Variants in SLC2A12 observed in about 807,000 individuals in gnomAD.
The protein encoded by SLC2A12 is solute carrier family 2, facilitated glucose transporter member 12.
In SLC2A12, 23 loss-of-function variants were observed where a neutral mutation model predicts 41.8. The observed-to-expected ratio is 0.55, with a 90% confidence interval of 0.40 to 0.78. The LOEUF is 0.78. Ranked by LOEUF, SLC2A12 falls within the 30% of genes least tolerant of loss-of-function variation. SLC2A12 has a pLI of 0.00. For missense variants in SLC2A12, 654 were observed against 745.6 expected, an observed-to-expected ratio of 0.88 and a Z score of 1.43; for synonymous variants, 295 against 285.9, an observed-to-expected ratio of 1.03 and a Z score of -0.32.
intron 1 of SLC2A12, among the ~76,000 whole-genome samples, chr6:134,034,820 AC>A (rs1777270136): frequency 6.6e-6 from 1 of 152,152 alleles, no homozygotes. Context: ...TCCAAAAAAT[AC>A]CCAGCTTTCA....
intron 2 of SLC2A12, among the ~76,000 whole-genome samples, chr6:134,018,231 T>C (rs1445878104): frequency 6.6e-6 from 1 of 152,160 alleles, no homozygotes; most frequent in African/African-American, 2.4e-5. Flanking sequence ...TTAATAACAC[T>C]AATGACTAAG....
In SLC2A12 at chr6:134,008,501, AC is replaced by A. The variant is rs1298354182; in HGVS notation, c.1445-1568del. Among the ~76,000 whole-genome samples the A allele has an allele frequency of 5.9e-5, 9 of 152,166 alleles. No homozygotes were observed. In the South Asian group the frequency reaches 1.5e-3, roughly 25 times the overall value. On this transcript the variant is annotated intron_variant, in intron 2 of 4. Coordinates refer to ENST00000275230, the MANE Select transcript of SLC2A12 (RefSeq NM_145176.3). The stretch of plus-strand genomic sequence containing the variant: ...GAAACCGCATGTCTGCCACACTCTC[AC>A]CTCACCTGTCTTCCCCTGCCCCTCT...
At chr6:134,052,135 G>A (rs1773692221) in intron 1 of SLC2A12, among the ~76,000 whole-genome samples, 1 of 151,998 alleles carries the variant, frequency 6.6e-6, no homozygotes, top group Non-Finnish European at 1.5e-5. Flanking sequence ...TGGCACATAA[G>A]GTTCCACCAA....
chr6:134,038,559 C>T (rs1777337076), intron 1 of SLC2A12, among the ~76,000 whole-genome samples: 1 of 151,234 alleles, frequency 6.6e-6, no homozygotes, highest in African/African-American at 2.4e-5. Flanking sequence ...AGGGCTTCAC[C>T]ATGTTGGCAA....
intron 2 of SLC2A12, among the ~76,000 whole-genome samples, chr6:134,019,919 G>A (rs2114458173): frequency 6.6e-6 from 1 of 152,054 alleles, no homozygotes; most frequent in African/African-American, 2.4e-5. Context: ...CAGCTACTCA[G>A]GAGGCTGAGG....
intron 3 of SLC2A12, among the ~76,000 whole-genome samples, chr6:134,005,962 G>A (rs549697430): frequency 3.3e-5 from 5 of 151,998 alleles, no homozygotes; most frequent in African/African-American, 1.2e-4. Flanking sequence ...CTTGCGGTCA[G>A]GAGTTTAAGA....
chr6:134,007,041 G>T, intron 2 of SLC2A12, 107 bp from the exon 3 acceptor site: 1 of 1,490,444 alleles, frequency 6.7e-7, no homozygotes, highest in African/African-American at 1.6e-5. Flanking sequence ...GCCGGGATTT[G>T]TGGTTGGGAA....
At chr6:134,037,144 A>ATTT (rs533155835) in intron 1 of SLC2A12, among the ~76,000 whole-genome samples, 24 of 83,306 alleles carry the variant, frequency 2.9e-4, no homozygotes, top group Admixed American at 4.3e-4. Flanking sequence ...ACTCGATTCA[A>ATTT]TTTTTTTTTT....
chr6:134,034,384 TTTAGGACTGCTG>T (rs2114490204), intron 1 of SLC2A12, among the ~76,000 whole-genome samples: 1 of 152,338 alleles, frequency 6.6e-6, no homozygotes, highest in Admixed American at 6.5e-5. Context: ...ACTACTCATA[TTTAGGACTGCTG>T]TTTGATCCTC....
chr6:134,018,790 C>T (rs902574574), intron 2 of SLC2A12, among the ~76,000 whole-genome samples: 2 of 150,632 alleles, frequency 1.3e-5, no homozygotes, highest in African/African-American at 2.5e-5. Context: ...ATCACTGGTT[C>T]GTGAAAATAA....
intron 1 of SLC2A12, among the ~76,000 whole-genome samples, chr6:134,051,236 C>T (rs939192250): frequency 3.3e-5 from 5 of 152,012 alleles, no homozygotes; most frequent in African/African-American, 7.2e-5. Flanking sequence ...TCATTCTTGA[C>T]GAGAAGTGTG....
At chr6:134,051,329 G>C (rs754541128) in intron 1 of SLC2A12, among the ~76,000 whole-genome samples, 2 of 152,106 alleles carry the variant, frequency 1.3e-5, no homozygotes, top group Non-Finnish European at 2.9e-5. Flanking sequence ...CGATGTTAGG[G>C]GTCACAGGTT....
chr6:134,018,089 C>G (rs774920919), intron 2 of SLC2A12, among the ~76,000 whole-genome samples: 1 of 152,038 alleles, frequency 6.6e-6, no homozygotes, highest in Non-Finnish European at 1.5e-5. Flanking sequence ...AAGAAGACCA[C>G]AGCATCGTAA....
rs186907851 is a variant in SLC2A12, at chr6:134,000,428, A to G, written c.1700+1569T>C. On this transcript the variant is annotated intron_variant, in intron 4 of 4. Coordinates refer to ENST00000275230, the MANE Select transcript of SLC2A12 (RefSeq NM_145176.3). ...ACATATACCTACTAACAATTCACCTATCAGGTTTATTCTTCCTTCAAGTAA... is the reference window on the plus strand; with the variant it reads ...ACATATACCTACTAACAATTCACCTGTCAGGTTTATTCTTCCTTCAAGTAA... Among the ~76,000 whole-genome samples the G allele has an allele frequency of 1.4e-4, 21 of 152,376 alleles. No individual in the cohort carries two copies. In the East Asian group the frequency reaches 3.7e-3, roughly 27 times the overall value.
intron 4 of SLC2A12, among the ~76,000 whole-genome samples, chr6:133,995,865 C>T (rs1172913726): frequency 6.6e-6 from 1 of 152,234 alleles, no homozygotes; most frequent in East Asian, 1.9e-4. Context: ...AGCCTTCTTT[C>T]CATTTCTGGA....
intron 1 of SLC2A12, among the ~76,000 whole-genome samples, chr6:134,041,745 C>T (rs764371334): frequency 6.6e-6 from 1 of 152,142 alleles, no homozygotes; most frequent in African/African-American, 2.4e-5. Flanking sequence ...ACTGTTAAAT[C>T]CTAACTCATT....
At chr6:134,022,993 G>A (rs748667357) in intron 2 of SLC2A12, among the ~76,000 whole-genome samples, 3 of 152,164 alleles carry the variant, frequency 2.0e-5, no homozygotes, top group African/African-American at 4.8e-5. Context: ...ACAAACTCAT[G>A]TTACCTTTGG....
chr6:134,013,534 A>G (rs1776916729), intron 2 of SLC2A12, among the ~76,000 whole-genome samples: 2 of 152,030 alleles, frequency 1.3e-5, no homozygotes, highest in Admixed American at 1.3e-4. Context: ...TTTATTTTGT[A>G]TCTGTGGTTG....
At chr6:133,999,850 G>A (rs1415937627) in intron 4 of SLC2A12, among the ~76,000 whole-genome samples, 3 of 152,192 alleles carry the variant, frequency 2.0e-5, no homozygotes, top group Non-Finnish European at 4.4e-5. Context: ...ACAGGCATAA[G>A]GAAGGATGAG....
Sources: gnomAD v4.1 joint callset for allele counts (sites outside exome capture counted in the v4.1 genomes callset) on GRCh38, gnomAD v4.1.1 for gene constraint, MANE v1.5 for transcripts, NCBI Gene and HGNC (gene_info 2026-07-23, HGNC 2026-07-21) for gene names.